Variants in PARP16 observed in about 807,000 individuals in gnomAD.
The protein encoded by PARP16 is poly(ADP-ribose) polymerase family member 16.
A neutral mutation model predicts 35.0 loss-of-function variants in PARP16; 31 were observed. The observed-to-expected ratio is 0.88, with a 90% CI of 0.66 to 1.19. The LOEUF (loss-of-function observed/expected upper bound fraction) is 1.19, where lower values mean the gene tolerates loss of function less well. PARP16 is among the 50% of genes most tolerant of loss of function. PARP16 has a pLI of 0.00. For missense variants in PARP16, 424 were observed against 411.2 expected (o/e 1.03, Z -0.27); for synonymous variants, 162 against 169.5 (o/e 0.96, Z 0.34).
intron 4 of PARP16, among the ~76,000 whole-genome samples, chr15:65,261,323 G>A (rs935182024): frequency 4.0e-5 from 6 of 151,240 alleles, no homozygotes; most frequent in Admixed American, 6.6e-5. Context: ...AAAGAAATAC[G>A]CTGGGACTGG....
At chr15:65,257,553 C>T (rs1206218318), downstream of PARP16, among the ~76,000 whole-genome samples, 3 of 151,328 alleles carry the variant, frequency 2.0e-5, no homozygotes, top group African/African-American at 7.3e-5. Flanking sequence ...CTGCTTGAAC[C>T]CGGGAGGCAG....
intron 2 of PARP16, among the ~76,000 whole-genome samples, chr15:65,248,404 C>T (rs1403074854): frequency 6.6e-6 from 1 of 152,094 alleles, no homozygotes; most frequent in Non-Finnish European, 1.5e-5. Flanking sequence ...CACAAACACA[C>T]GTAGGCAGGT....
Position 65,286,601 on chromosome 15 carries a change from G to C in PARP16, c.-175C>G, listed in dbSNP as rs1181118981. The C allele has an allele frequency of 8.2e-6, 4 of 485,536 alleles. No individual in the cohort carries two copies. The East Asian group carries it at 1.4e-4, about 17-fold the overall frequency. 30.1% of individuals were successfully genotyped at this position (485,536 alleles called of 1,614,324 possible). ...CAGGGGTGAGAACGTGCCGACAAGT[G>C]TCCTCTGCCGGGGTCTGGGCCGCGG... On this transcript the variant is annotated 5_prime_UTR_variant, in exon 1 of 6. Transcript: ENST00000649807.
downstream of PARP16, among the ~76,000 whole-genome samples, chr15:65,255,644 C>T (rs761374921): frequency 6.6e-6 from 1 of 150,546 alleles, no homozygotes; most frequent in Non-Finnish European, 1.5e-5. Flanking sequence ...TTTATGTATC[C>T]TCTGTGCCCA....
At chr15:65,281,129 A>G (rs1202469256) in intron 1 of PARP16, among the ~76,000 whole-genome samples, 1 of 152,206 alleles carries the variant, frequency 6.6e-6, no homozygotes, top group African/African-American at 2.4e-5. Flanking sequence ...GGAGAACCAG[A>G]ACATGCTATT....
Position 65,272,441 on chromosome 15 carries a change from G to A in PARP16, c.175-1369C>T, listed in dbSNP as rs571107691. Among the ~76,000 whole-genome samples, 4 of 152,282 alleles carry A rather than the reference G, an allele frequency of 2.6e-5. No homozygotes were observed. The South Asian group carries it at 8.3e-4, about 32-fold the overall frequency. ...TAGCTTTTGCTCAGAAGTTATGACT[G>A]ACTAGAGGTCAAACCTCTCCAGCAT... On this transcript the variant is annotated intron_variant, in intron 1 of 5. Transcript: ENST00000649807.
intron 1 of PARP16, among the ~76,000 whole-genome samples, chr15:65,284,811 CTTTT>C (rs35683940): frequency 1.4e-5 from 1 of 72,212 alleles, no homozygotes; most frequent in African/African-American, 4.8e-5. Flanking sequence ...AATCCAACGT[CTTTT>C]TTTTTTTTTT....
chr15:65,285,224 G>A (rs1175741179), intron 1 of PARP16, among the ~76,000 whole-genome samples: 2 of 148,800 alleles, frequency 1.3e-5, no homozygotes, highest in African/African-American at 2.5e-5. Flanking sequence ...CACAACGTCC[G>A]CCTCCCGGGT....
chr15:65,282,022 C>T (rs2090435902), intron 1 of PARP16, among the ~76,000 whole-genome samples: 1 of 152,018 alleles, frequency 6.6e-6, no homozygotes, highest in Admixed American at 6.6e-5. Context: ...AAGTGAGAGA[C>T]TTTTTTTGAG....
At chr15:65,246,496 T>C (rs2089212578) in intron 3 of PARP16, among the ~76,000 whole-genome samples, 1 of 152,210 alleles carries the variant, frequency 6.6e-6, no homozygotes, top group African/African-American at 2.4e-5. Context: ...CCTCCGCCTG[T>C]CTGGATGTGC....
At chr15:65,274,890 C>G (rs1454293918) in intron 1 of PARP16, among the ~76,000 whole-genome samples, 1 of 151,994 alleles carries the variant, frequency 6.6e-6, no homozygotes, top group Non-Finnish European at 1.5e-5. Context: ...CCGAGGCAGG[C>G]GGATCACCTG....
intron 1 of PARP16, among the ~76,000 whole-genome samples, chr15:65,280,807 A>C (rs949608681): frequency 6.6e-6 from 1 of 151,640 alleles, no homozygotes; most frequent in East Asian, 1.9e-4. Context: ...AAGAGGGAGG[A>C]AAAAAAAGAG....
chr15:65,278,129 TC>T lies in PARP16; in HGVS notation c.175-7058del, dbSNP rs552957327. ...AAAGTGCTCCTCCTGGGCTCAAATG[TC>T]CCCCAGGGCCCGAGAGGTAAAGAAA... On this transcript the variant is annotated intron_variant, in intron 1 of 5. Coordinates refer to ENST00000649807, the MANE Select transcript of PARP16 (RefSeq NM_001316943.2). 2.2e-3 allele frequency among the ~76,000 whole-genome samples: 335 copies of T among 152,030 alleles called. 2 individuals are homozygous for T. Among genetic ancestry groups the T allele is most frequent in the African/African-American group, 7.2e-3 (299 of 41,462 alleles).
chr15:65,262,072 G>T (rs2089741040), intron 4 of PARP16, among the ~76,000 whole-genome samples: 1 of 151,940 alleles, frequency 6.6e-6, no homozygotes, highest in South Asian at 2.1e-4. Context: ...TTTTACATTA[G>T]AGGCCAGAAC....
chr15:65,286,356 C>A lies in PARP16; in HGVS notation c.71G>T (p.Cys24Phe). The change falls in exon 1 of 6, where the codon TGC becomes TTC. Residue 24 changes from cysteine (C) to phenylalanine (F), a missense_variant. By Grantham distance (205) the Cys-to-Phe change is radical. Transcript: ENST00000649807. ...CTGCAGGGCCGAGGCGAAGAGGCTG[C>A]ACCGGAGGTCGGCGGCCAGCATGTC... Reference protein sequence around the residue: ...GRDMLAADLRCSLFASALQSY... With the variant: ...GRDMLAADLRFSLFASALQSY... 2 of 1,587,702 alleles carry A rather than the reference C, an allele frequency of 1.3e-6. No homozygotes were observed. Among genetic ancestry groups the A allele is most frequent in the Non-Finnish European group, 1.7e-6 (2 of 1,169,238 alleles).
intron 3 of PARP16, among the ~76,000 whole-genome samples, chr15:65,239,351 T>A (rs990343526): frequency 4.6e-5 from 6 of 130,888 alleles, no homozygotes; most frequent in Non-Finnish European, 7.7e-5. Context: ...CACTTGGACC[T>A]GGGAGGCAGA....
intron 2 of PARP16, among the ~76,000 whole-genome samples, chr15:65,268,776 A>G (rs2089988398): frequency 6.6e-6 from 1 of 150,706 alleles, no homozygotes. Context: ...TTTTTTTGAG[A>G]TGGAGTCTTA....
downstream of PARP16, among the ~76,000 whole-genome samples, chr15:65,253,246 C>G (rs1336136548): frequency 6.6e-6 from 1 of 152,182 alleles, no homozygotes; most frequent in Non-Finnish European, 1.5e-5. Context: ...TCCCTGAATT[C>G]AAGCAACAAA....
chr15:65,246,391 C>G (rs762144010), intron 3 of PARP16, among the ~76,000 whole-genome samples: 2 of 152,200 alleles, frequency 1.3e-5, no homozygotes, highest in Non-Finnish European at 2.9e-5. Context: ...TCATGGAGGT[C>G]TCCTTGGTCT....
Sources: gnomAD v4.1 joint callset for allele counts (sites outside exome capture counted in the v4.1 genomes callset) on GRCh38, gnomAD v4.1.1 for gene constraint, MANE v1.5 for transcripts, NCBI Gene and HGNC (gene_info 2026-07-23, HGNC 2026-07-21) for gene names.